ANO6: variants seen among roughly 807,000 people sequenced by gnomAD.
The protein encoded by ANO6 is anoctamin-6.
ANO6 carries 106 observed loss-of-function variants against 117.5 expected under a neutral mutation model. That is an observed-to-expected ratio of 0.90 (90% CI 0.77 to 1.06). The LOEUF is 1.06. Ranked by LOEUF, ANO6 falls within the 50% of genes least tolerant of loss-of-function variation. ANO6 has a pLI of 0.00. For synonymous variants in ANO6, 367 were observed against 385.1 expected, an observed-to-expected ratio of 0.95 and a Z score of 0.55; for missense variants, 955 against 1,121.1, an observed-to-expected ratio of 0.85 and a Z score of 2.12.
chr12:45,291,769 G>A (rs952405617), intron 1 of ANO6, among the ~76,000 whole-genome samples: 3 of 152,020 alleles, frequency 2.0e-5, no homozygotes, highest in East Asian at 3.9e-4. Context: ...TACACCTACC[G>A]GGATGGCTAC....
At chr12:45,364,118 C>A (rs2137496568) in intron 8 of ANO6, among the ~76,000 whole-genome samples, 1 of 152,304 alleles carries the variant, frequency 6.6e-6, no homozygotes, top group African/African-American at 2.4e-5. Context: ...AATATATCAT[C>A]CCACTGCCTC....
intron 1 of ANO6, among the ~76,000 whole-genome samples, chr12:45,251,512 G>A (rs2137188513): frequency 6.6e-6 from 1 of 152,314 alleles, no homozygotes; most frequent in East Asian, 1.9e-4. Context: ...AGATGGGGCT[G>A]TACATTGGAG....
intron 2 of ANO6, among the ~76,000 whole-genome samples, chr12:45,307,003 T>G (rs1447159331): frequency 6.6e-6 from 1 of 152,038 alleles, no homozygotes; most frequent in Non-Finnish European, 1.5e-5. Flanking sequence ...GGTGAGTTTG[T>G]TAGATACATT....
chr12:45,324,266 TA>T (rs781474650), intron 2 of ANO6, among the ~76,000 whole-genome samples: 13 of 152,194 alleles, frequency 8.5e-5, no homozygotes, highest in Non-Finnish European at 1.9e-4. Flanking sequence ...ATTCATTTTT[TA>T]AAATTGTGTT....
chr12:45,222,047 A>G (rs1278887828), intron 1 of ANO6, among the ~76,000 whole-genome samples: 2 of 150,742 alleles, frequency 1.3e-5, no homozygotes, highest in Admixed American at 1.3e-4. Context: ...ACACCCAGCT[A>G]TTTTTTTTGT....
chr12:45,437,883 A>T (rs1290674133), intron 19 of ANO6, among the ~76,000 whole-genome samples: 1 of 152,084 alleles, frequency 6.6e-6, no homozygotes, highest in Non-Finnish European at 1.5e-5. Flanking sequence ...AACTTTTAAG[A>T]GTGTAAAATT....
intron 1 of ANO6, among the ~76,000 whole-genome samples, chr12:45,259,875 G>A (rs989618814): frequency 7.2e-5 from 11 of 152,226 alleles, no homozygotes; most frequent in Non-Finnish European, 1.3e-4. Context: ...AATAGACTGC[G>A]TTAAAAGGCT....
At chr12:45,380,866 C>G (rs1038544246) in intron 10 of ANO6, among the ~76,000 whole-genome samples, 1 of 152,038 alleles carries the variant, frequency 6.6e-6, no homozygotes, top group Non-Finnish European at 1.5e-5. Flanking sequence ...CAACTGGAGG[C>G]TGAGGCACAA....
intron 8 of ANO6, among the ~76,000 whole-genome samples, chr12:45,366,122 T>G (rs961680939): frequency 1.3e-5 from 2 of 151,994 alleles, no homozygotes; most frequent in African/African-American, 4.8e-5. Context: ...TGGGTTTTTT[T>G]TTTTTTTTTT....
chr12:45,416,887 C>G lies in ANO6; in HGVS notation c.2200C>G (p.Leu734Val), dbSNP rs777093994. The G allele has an allele frequency of 6.2e-7, 1 of 1,614,144 alleles. No homozygotes were observed. The highest frequency in any genetic ancestry group is 1.7e-5 in the Admixed American group (1 of 60,018). The change falls in exon 17 of 20, where the codon CTG (leucine) becomes GTG (valine). Residue 734 changes from leucine (L) to valine (V), a missense_variant. Leu to Val is a conservative substitution (Grantham distance 32). Coordinates refer to ENST00000320560, the MANE Select transcript of ANO6 (RefSeq NM_001025356.3). ...GCCCATCATGCAAGGAATAGCAATT[C>G]TGGCTGTGGTGACCAATGTGAGTAG... The part of the protein sequence containing the change: ...WQPIMQGIAI[L>V]AVVTNAMIIA...
At chr12:45,262,020 C>G (rs1033895277) in intron 1 of ANO6, among the ~76,000 whole-genome samples, 1 of 152,136 alleles carries the variant, frequency 6.6e-6, no homozygotes, top group Non-Finnish European at 1.5e-5. Context: ...CCACGTTTAA[C>G]CTGCTGATAA....
At chr12:45,338,902 G>A (rs765490467) in intron 3 of ANO6, among the ~76,000 whole-genome samples, 7 of 152,050 alleles carry the variant, frequency 4.6e-5, no homozygotes, top group Non-Finnish European at 8.8e-5. Context: ...AATTAACAAC[G>A]AGTTCACAAA....
At chr12:45,361,406 C>G (rs1941551924) in intron 8 of ANO6, among the ~76,000 whole-genome samples, 1 of 152,076 alleles carries the variant, frequency 6.6e-6, no homozygotes, top group Non-Finnish European at 1.5e-5. Flanking sequence ...TGCAACCTTG[C>G]TAAACTGGCT....
At chr12:45,358,976 G>T (rs988335278) in intron 8 of ANO6, among the ~76,000 whole-genome samples, 1 of 152,058 alleles carries the variant, frequency 6.6e-6, no homozygotes, top group African/African-American at 2.4e-5. Context: ...TAGAGATGGG[G>T]TTTCACCATC....
chr12:45,231,462 T>A (rs1009941213), intron 1 of ANO6, among the ~76,000 whole-genome samples: 1 of 152,198 alleles, frequency 6.6e-6, no homozygotes. Context: ...ACATTCCATA[T>A]CATTTGGGTA....
At chr12:45,391,464 G>A (rs1047332597) in intron 12 of ANO6, among the ~76,000 whole-genome samples, 1 of 152,136 alleles carries the variant, frequency 6.6e-6, no homozygotes, top group African/African-American at 2.4e-5. Flanking sequence ...CAGACAAGTG[G>A]AGATTATTCA....
At chr12:45,396,733 G>A (rs1473094736) in intron 12 of ANO6, among the ~76,000 whole-genome samples, 2 of 152,156 alleles carry the variant, frequency 1.3e-5, no homozygotes, top group Admixed American at 6.5e-5. Flanking sequence ...AAGCAATGGG[G>A]AAAGGATTCA....
chr12:45,284,695 C>T (rs912576100), intron 1 of ANO6, among the ~76,000 whole-genome samples: 4 of 152,186 alleles, frequency 2.6e-5, no homozygotes, highest in Admixed American at 6.5e-5. Flanking sequence ...ACGTAAAATA[C>T]CTTAGTGACT....
Position 45,347,052 on chromosome 12 carries a change from A to C in ANO6, c.310A>C (p.Ile104Leu). The change falls in exon 4 of 20, where the codon ATC becomes CTC. Residue 104 changes from isoleucine (I) to leucine (L), a missense_variant. Coordinates refer to ENST00000320560, the MANE Select transcript of ANO6 (RefSeq NM_001025356.3). ...RKRQAYESNL[I>L]CHGLQLEATR... is the part of the protein sequence containing the mutation. ...AAGACAAGCATACGAATCTAACCTT[A>C]TCTGTCATGGCCTGCAGTTAGAAGC... 6 of 1,614,068 alleles carry C rather than the reference A, an allele frequency of 3.7e-6. No homozygotes were observed. Among genetic ancestry groups the C allele is most frequent in the Non-Finnish European group, 5.1e-6 (6 of 1,179,954 alleles).
Sources: allele counts gnomAD v4.1 joint callset (sites outside exome capture counted in the v4.1 genomes callset), GRCh38; gene constraint gnomAD v4.1.1; transcripts MANE v1.5; gene names NCBI Gene and HGNC (gene_info 2026-07-23, HGNC 2026-07-21).